Variants in FSTL4 observed in about 807,000 individuals in gnomAD.
FSTL4 encodes the protein follistatin like 4.
In FSTL4, 28 loss-of-function variants were observed where a neutral mutation model predicts 78.2. The observed-to-expected ratio is 0.36, with a 90% CI of 0.27 to 0.49. The LOEUF is 0.49. Ranked by LOEUF, FSTL4 falls within the 20% of genes least tolerant of loss-of-function variation. The probability of loss-of-function intolerance (pLI) is 0.98; values close to 1 mark genes in which losing one functional copy is unlikely to be tolerated. For synonymous variants in FSTL4, 422 were observed against 440.5 expected, an observed-to-expected ratio of 0.96 and a Z score of 0.53; for missense variants, 922 against 1,084.9, an observed-to-expected ratio of 0.85 and a Z score of 2.11.
At chr5:133,532,572 G>A (rs1759278124) in intron 3 of FSTL4, among the ~76,000 whole-genome samples, 1 of 152,140 alleles carries the variant, frequency 6.6e-6, no homozygotes, top group African/African-American at 2.4e-5. Context: ...AGACAGAACA[G>A]AGGCCCCTCT....
At position 133,225,036 on chromosome 5, in the gene FSTL4, CT is replaced by C; in HGVS notation, c.1312+113del. On this transcript the variant is annotated intron_variant, in intron 10 of 15. Coordinates refer to ENST00000265342, the MANE Select transcript of FSTL4 (RefSeq NM_015082.2). The surrounding 1 kb of genome is among the most constrained non-coding windows in gnomAD (Gnocchi z 4.6). ...GCAAAGAGGGATATGAGGCTTACCC[CT>C]GTCTTCACGGGCTCATGGTTGGCAG... 1 of 1,233,568 alleles carries C rather than the reference CT, an allele frequency of 8.1e-7. No individual in the cohort carries two copies. The highest frequency in any genetic ancestry group is 2.3e-5 in the East Asian group (1 of 43,040). The allele number at this position is 1,233,568 out of a possible 1,614,324, so 76.4% of individuals were successfully genotyped here.
At chr5:133,536,742 T>C (rs974474278) in intron 3 of FSTL4, among the ~76,000 whole-genome samples, 2 of 152,156 alleles carry the variant, frequency 1.3e-5, no homozygotes, top group Non-Finnish European at 2.9e-5. Context: ...GTAACTGTAA[T>C]TCATTCATTT....
intron 2 of FSTL4, among the ~76,000 whole-genome samples, chr5:133,567,671 A>G (rs1760057281): frequency 1.3e-5 from 2 of 152,378 alleles, no homozygotes; most frequent in African/African-American, 4.8e-5. Flanking sequence ...GCTACTGGAT[A>G]TGTCACTGAC....
chr5:133,238,206 T>G (rs941099616), intron 7 of FSTL4, among the ~76,000 whole-genome samples: 1 of 152,170 alleles, frequency 6.6e-6, no homozygotes, highest in African/African-American at 2.4e-5. Flanking sequence ...AGAGTAATAT[T>G]AGAGTTTAGG....
At chr5:133,780,910 A>G in the FSTL4 span, among the ~76,000 whole-genome samples, 4,601 of 152,298 alleles carry the variant, frequency 0.03, 231 homozygotes, top group African/African-American at 0.1. Flanking sequence ...GGCGATCATT[A>G]TCCTCTATCC....
intron 3 of FSTL4, among the ~76,000 whole-genome samples, chr5:133,507,356 T>C (rs1758630167): frequency 6.6e-6 from 1 of 152,188 alleles, no homozygotes; most frequent in African/African-American, 2.4e-5. Flanking sequence ...TTGAGCCCCT[T>C]GGGTCCTTTC....
At chr5:133,394,955 A>G (rs536432184) in intron 4 of FSTL4, among the ~76,000 whole-genome samples, 112 of 152,318 alleles carry the variant, frequency 7.4e-4, no homozygotes, top group African/African-American at 1.9e-3. Flanking sequence ...AAATGCACCA[A>G]TCAGTGCTCT....
the FSTL4 span, among the ~76,000 whole-genome samples, chr5:133,749,607 T>C: frequency 1.3e-5 from 2 of 152,212 alleles, no homozygotes; most frequent in Non-Finnish European, 2.9e-5. Flanking sequence ...AATAACATGT[T>C]CACATTTTGC....
chr5:133,572,741 G>T (rs1279180473), intron 2 of FSTL4, among the ~76,000 whole-genome samples: 2 of 152,006 alleles, frequency 1.3e-5, no homozygotes, highest in African/African-American at 2.4e-5. Context: ...AAGATCAGGA[G>T]GTCAAATGAG....
chr5:133,748,076 C>T, the FSTL4 span, among the ~76,000 whole-genome samples: 1 of 152,012 alleles, frequency 6.6e-6, no homozygotes, highest in Non-Finnish European at 1.5e-5. Flanking sequence ...TGCCTGTAGT[C>T]CCAGCTACTC....
intron 3 of FSTL4, among the ~76,000 whole-genome samples, chr5:133,466,519 G>T (rs1757711871): frequency 6.6e-6 from 1 of 151,594 alleles, no homozygotes; most frequent in South Asian, 2.1e-4. Context: ...TCCGGCCTGG[G>T]CGAAAGAGCG....
the FSTL4 span, among the ~76,000 whole-genome samples, chr5:133,652,193 G>T: frequency 1.3e-5 from 2 of 151,902 alleles, no homozygotes; most frequent in African/African-American, 4.8e-5. Flanking sequence ...TTTTTGCAAA[G>T]AAGCAGCTTT....
At chr5:133,624,536 T>C in the FSTL4 span, among the ~76,000 whole-genome samples, 2 of 151,868 alleles carry the variant, frequency 1.3e-5, no homozygotes, top group African/African-American at 4.8e-5. Context: ...ACATCGTGAA[T>C]ATGCTAAATG....
At chr5:133,499,014 C>G (rs752249074) in intron 3 of FSTL4, among the ~76,000 whole-genome samples, 1 of 151,792 alleles carries the variant, frequency 6.6e-6, no homozygotes, top group Non-Finnish European at 1.5e-5. Context: ...CACACACACA[C>G]ACACACACAC....
rs1444547874 is a variant in FSTL4 at position 133,338,150 on chromosome 5, G to C, written c.410-21498C>G. Among the ~76,000 whole-genome samples, 1 of 152,180 alleles carries C rather than the reference G, an allele frequency of 6.6e-6. No individual in the cohort carries two copies. Among genetic ancestry groups the C allele is most frequent in the Non-Finnish European group, 1.5e-5 (1 of 68,024 alleles). On this transcript the variant is annotated intron_variant, in intron 4 of 15. Transcript: ENST00000265342. This position sits in a 1 kb window ranked among gnomAD's most constrained non-coding sequence, Gnocchi z 4.0. ...CCCATGGGGAGATGTCTGATTGGCA[G>C]GTGTAAATGTCGATTGAGTCATGTT...
chr5:133,256,907 T>C (rs1031991480), intron 6 of FSTL4, among the ~76,000 whole-genome samples: 2 of 152,258 alleles, frequency 1.3e-5, no homozygotes, highest in Non-Finnish European at 2.9e-5. Flanking sequence ...AATTTACTTT[T>C]TCAACTGGCC....
At chr5:133,526,745 T>C (rs1176150255) in intron 3 of FSTL4, among the ~76,000 whole-genome samples, 1 of 152,020 alleles carries the variant, frequency 6.6e-6, no homozygotes, top group Non-Finnish European at 1.5e-5. Context: ...TTTGACCACA[T>C]GGGAGTAGCA....
At position 133,225,436 on chromosome 5, in the gene FSTL4, C is replaced by T; in HGVS notation, c.1178-152G>A. The T allele has an allele frequency of 1.0e-6, 1 of 972,118 alleles. No homozygotes were observed. Among genetic ancestry groups the T allele is most frequent in the Non-Finnish European group, 1.5e-6 (1 of 646,202 alleles). 60.2% of individuals were successfully genotyped at this position (972,118 alleles called of 1,614,324 possible). A position where few individuals can be genotyped will look rare whatever the true frequency, so the allele number is the denominator to read the frequency against. ...AGGAAGGGCTGGCACATCTGAAATGCACTGAGGGTGAGCTGGACCTGAGTG... is the reference window on the plus strand; with the variant it reads ...AGGAAGGGCTGGCACATCTGAAATGTACTGAGGGTGAGCTGGACCTGAGTG... On this transcript the variant is annotated intron_variant, in intron 9 of 15. Transcript: ENST00000265342. The surrounding 1 kb of genome is among the most constrained non-coding windows in gnomAD (Gnocchi z 4.6).
chr5:133,807,210 C>A, the FSTL4 span, among the ~76,000 whole-genome samples: 1 of 152,298 alleles, frequency 6.6e-6, no homozygotes, highest in South Asian at 2.1e-4. Context: ...TCCCAGCCAG[C>A]CAGGGCTAAT....
Sources: gnomAD v4.1 joint callset for allele counts (sites outside exome capture counted in the v4.1 genomes callset) on GRCh38, gnomAD v4.1.1 for gene constraint, Gnocchi (gnomAD v3.1) non-coding constraint, MANE v1.5 for transcripts, NCBI Gene and HGNC (gene_info 2026-07-23, HGNC 2026-07-21) for gene names.